IPO9: variants seen among roughly 807,000 people sequenced by gnomAD.
IPO9 encodes the protein importin-9.
IPO9 carries 28 observed loss-of-function variants against 128.6 expected under a neutral mutation model. The observed-to-expected ratio is 0.22, with a 90% CI of 0.16 to 0.30. IPO9 has a LOEUF of 0.30. Ranked by LOEUF, IPO9 falls within the 10% of genes least tolerant of loss-of-function variation. The probability of loss-of-function intolerance (pLI) is 1.00; values close to 1 mark genes in which losing one functional copy is unlikely to be tolerated. For synonymous variants in IPO9, 455 were observed against 475.8 expected (o/e 0.96, Z 0.57); for missense variants, 935 against 1,293.9 (o/e 0.72, Z 4.26).
chr1:201,839,453 C>A (rs187703377), intron 1 of IPO9, among the ~76,000 whole-genome samples: 1,835 of 147,164 alleles, frequency 0.012, 14 homozygotes, highest in Non-Finnish European at 0.021. Context: ...CCCAACTACT[C>A]GGGAGGCTGA....
At chr1:201,841,788 A>T (rs1427426362) in intron 1 of IPO9, among the ~76,000 whole-genome samples, 24 of 152,244 alleles carry the variant, frequency 1.6e-4, no homozygotes, top group Admixed American at 1.5e-3. Flanking sequence ...AAGCTGGAAC[A>T]ATTTGAGCAA....
rs1372886793 is a variant in IPO9, at chr1:201,862,383, G to A, written c.1469-1065G>A. On this transcript the variant is annotated intron_variant, in intron 13 of 23. Transcript: ENST00000361565. ...TGAGGCAGGAGAATCGCTCGAACCC[G>A]GGAAGCAGCGGTTACAGTGAGCTGA... Among the ~76,000 whole-genome samples, 6 of 152,036 alleles carry A rather than the reference G, an allele frequency of 3.9e-5. No individual in the cohort carries two copies. The East Asian group carries it at 5.8e-4, about 15-fold the overall frequency.
rs556986429 is a variant in IPO9 at position 201,871,376 on chromosome 1, CTTTTTTTT to C, written c.2576+72_2576+79del. The stretch of plus-strand genomic sequence containing the variant: ...GGGCATTCTGCCACCACTCATATTT[CTTTTTTTT>C]TTTTTTTTTTTTTTTTTTTTTTGAG... On this transcript the variant is annotated intron_variant, in intron 19 of 23. Transcript: ENST00000361565. 2.3e-3 allele frequency: 336 copies of C among 149,164 alleles called. 2 individuals carry two copies. The highest frequency in any genetic ancestry group is 0.012 in the South Asian group (190 of 16,082). 9.2% of individuals were successfully genotyped at this position (149,164 alleles called of 1,614,324 possible). A position where few individuals can be genotyped will look rare whatever the true frequency, so the allele number is the denominator to read the frequency against.
intron 1 of IPO9, among the ~76,000 whole-genome samples, chr1:201,842,252 A>G (rs1237949425): frequency 6.6e-6 from 1 of 152,218 alleles, no homozygotes; most frequent in Admixed American, 6.5e-5. Flanking sequence ...AGATTTTTCT[A>G]CAAAGGATAT....
chr1:201,871,409 G>GTTTT (rs1680651197), intron 19 of IPO9, 82 bp downstream of exon 19: 1 of 664,904 alleles, frequency 1.5e-6, no homozygotes, highest in Non-Finnish European at 2.1e-6. Context: ...TTTTTTTTGA[G>GTTTT]ACAGTCTCGC....
chr1:201,870,848 G>C lies in IPO9; in HGVS notation c.2399G>C (p.Ser800Thr). The C allele has an allele frequency of 6.2e-7, 1 of 1,610,776 alleles. No individual in the cohort carries two copies. Among genetic ancestry groups the C allele is most frequent in the Non-Finnish European group, 8.5e-7 (1 of 1,177,716 alleles). ...LSKMQQAETL[S>T]VMQSLIMVFA... is the part of the protein sequence containing the mutation. ...AAGATGCAGCAGGCAGAGACGCTCA[G>C]TGTCATGCAGGTAAGAGAGCAGTGG... Residue 800 changes from serine (S) to threonine (T), a missense_variant, in exon 18 of 24, where the codon AGT becomes ACT. Transcript: ENST00000361565. The surrounding 1 kb of genome is among the most constrained non-coding windows in gnomAD (Gnocchi z 4.9).
intron 1 of IPO9, among the ~76,000 whole-genome samples, chr1:201,831,007 A>G (rs544857302): frequency 2.6e-5 from 4 of 152,220 alleles, no homozygotes; most frequent in Non-Finnish European, 5.9e-5. Context: ...CACTTTATTC[A>G]TCTTTTTTTT....
At chr1:201,859,347 G>A (rs556247616) in intron 13 of IPO9, among the ~76,000 whole-genome samples, 1 of 151,808 alleles carries the variant, frequency 6.6e-6, no homozygotes, top group African/African-American at 2.4e-5. Context: ...ACAGCCCAGA[G>A]GCCGATTCAA....
chr1:201,832,883 G>A (rs968895374), intron 1 of IPO9, among the ~76,000 whole-genome samples: 1 of 152,184 alleles, frequency 6.6e-6, no homozygotes, highest in African/African-American at 2.4e-5. Context: ...TCTAATTTAT[G>A]GGGAAAGGAC....
intron 15 of IPO9, 144 bp from the exon 16 acceptor site, chr1:201,868,503 TG>T: frequency 1.4e-6 from 1 of 715,766 alleles, no homozygotes; most frequent in Non-Finnish European, 2.2e-6. Flanking sequence ...GTTATTCATG[TG>T]GCCCCACTAG....
Position 201,854,636 on chromosome 1 carries a change from C to T in IPO9, c.732C>T (p.Phe244=). 1.2e-6 allele frequency: 2 copies of T among 1,614,150 alleles called. No homozygotes were observed. The highest frequency in any genetic ancestry group is 1.7e-6 in the Non-Finnish European group (2 of 1,180,032). ...KVLIFPVVQQ[F]TEAFVQALQI... ...TGATCTTTCCCGTGGTACAGCAGTT[C>T]ACAGAGGCCTTTGTTCAGGCCCTCC... Residue 244 remains phenylalanine, a synonymous_variant, in exon 7 of 24, where the codon TTC becomes TTT. Transcript: ENST00000361565.
chr1:201,865,720 C>T (rs1680541609), intron 14 of IPO9, among the ~76,000 whole-genome samples: 1 of 152,172 alleles, frequency 6.6e-6, no homozygotes, highest in South Asian at 2.1e-4. Flanking sequence ...TTATGTCAGA[C>T]TGTATTCGCC....
chr1:201,854,968 T>C lies in IPO9; in HGVS notation c.911+45T>C, dbSNP rs755624630. 6.0e-6 allele frequency: 9 copies of C among 1,495,898 alleles called. No individual in the cohort carries two copies. The South Asian group carries it at 8.8e-5, about 15-fold the overall frequency. The allele number at this position is 1,495,898 out of a possible 1,614,324, so 92.7% of individuals were successfully genotyped here. On this transcript the variant is annotated intron_variant, in intron 8 of 23. Transcript: ENST00000361565. The stretch of plus-strand genomic sequence containing the variant: ...TAAGGGAGCTACTACCACCTATAGT[T>C]AGGAATCTCGCACTGGGTTTCACAT...
rs549785572 is a variant in IPO9 at position 201,831,906 on chromosome 1, G to GTTT, written c.163+2536_163+2537insTTT. ...TGCTTTTGTTGTTGTTGTTGTTGTT[G>GTTT]TTGTTGTTGTTTTGAGACAGAGTCT... is the stretch of plus-strand genomic sequence containing the variant. On this transcript the variant is annotated intron_variant, in intron 1 of 23. Transcript: ENST00000361565. Among the ~76,000 whole-genome samples the GTTT allele has an allele frequency of 2.8e-3, 419 of 152,018 alleles. 1 individual carries two copies. The highest frequency in any genetic ancestry group is 9.7e-3 in the African/African-American group (401 of 41,464).
intron 4 of IPO9, chr1:201,850,483 T>C (rs1680194517): frequency 1.3e-5 from 2 of 152,206 alleles, no homozygotes; most frequent in Non-Finnish European, 1.5e-5. Context: ...GTAAAGGAAA[T>C]GCAAATATAG....
At chr1:201,852,893 G>A in intron 5 of IPO9, 118 bp from the exon 6 acceptor site, 1 of 747,904 alleles carries the variant, frequency 1.3e-6, no homozygotes, top group South Asian at 1.7e-5. Context: ...ATTTCTCGAG[G>A]GCATCCAATC....
At chr1:201,865,908 A>T (rs560633156) in intron 14 of IPO9, among the ~76,000 whole-genome samples, 44 of 152,062 alleles carry the variant, frequency 2.9e-4, no homozygotes, top group Non-Finnish European at 4.9e-4. Flanking sequence ...TCCCACTTCT[A>T]TTCTAAGGGT....
At chr1:201,845,393 G>C (rs80296307) in intron 1 of IPO9, among the ~76,000 whole-genome samples, 2,550 of 152,232 alleles carry the variant, frequency 0.017, 76 homozygotes, top group African/African-American at 0.058. Context: ...AGGCATGGTG[G>C]CTTCAGGATT....
At chr1:201,854,372 A>C (rs1192736855) in intron 6 of IPO9, among the ~76,000 whole-genome samples, 1 of 152,214 alleles carries the variant, frequency 6.6e-6, no homozygotes, top group Non-Finnish European at 1.5e-5. Flanking sequence ...TTGGTCTTAC[A>C]TAATAGTTTT....
Sources: gnomAD v4.1 joint callset for allele counts (sites outside exome capture counted in the v4.1 genomes callset) on GRCh38, gnomAD v4.1.1 for gene constraint, Gnocchi (gnomAD v3.1) non-coding constraint, MANE v1.5 for transcripts, NCBI Gene and HGNC (gene_info 2026-07-23, HGNC 2026-07-21) for gene names.